Variants in TSHZ3 observed in about 807,000 individuals in gnomAD.
The protein encoded by TSHZ3 is teashirt zinc finger homeobox 3, also known as teashirt homolog 3.
Under a neutral mutation model 64.5 loss-of-function variants are expected in TSHZ3, and 10 were observed. That is an observed-to-expected ratio of 0.16 (90% confidence interval 0.10 to 0.26). TSHZ3 has a LOEUF of 0.26. Among genes scored for constraint, TSHZ3 ranks in the 10% least tolerant of loss-of-function variants. The pLI is 1.00. For missense variants in TSHZ3, 1,242 were observed against 1,421.7 expected (o/e 0.87, Z 2.03); for synonymous variants, 608 against 593.1 (o/e 1.03, Z -0.36).
chr19:31,166,477 G>T (rs1974453895), intron 5 of TSHZ3, among the ~76,000 whole-genome samples: 1 of 152,158 alleles, frequency 6.6e-6, no homozygotes, highest in African/African-American at 2.4e-5. Context: ...CCAGGCCTTG[G>T]AGCAACTGGC....
In TSHZ3 at chr19:31,277,190, A is replaced by G; in HGVS notation, c.2603T>C (p.Ile868Thr). 3.1e-6 allele frequency: 5 copies of G among 1,614,110 alleles called. No individual in the cohort carries two copies. In the South Asian group the frequency reaches 4.4e-5, roughly 14 times the overall value. Reference sequence around the variant, plus strand: ...CCCGTCAATGTCAGACTTCTCGGAGATGCTGGAAGGAGTGGAGGATTTTGA... The same window carrying G: ...CCCGTCAATGTCAGACTTCTCGGAGGTGCTGGAAGGAGTGGAGGATTTTGA... Reference protein sequence around the residue: ...HTSKSSTPSSISEKSDIDGAT... With the variant: ...HTSKSSTPSSTSEKSDIDGAT... The change falls in exon 2 of 2, where the codon ATC becomes ACC. Residue 868 changes from isoleucine (I) to threonine (T), a missense_variant. By Grantham distance (89) the Ile-to-Thr change is moderately conservative (BLOSUM62 -1). Transcript: ENST00000240587. The surrounding 1 kb of genome is among the most constrained non-coding windows in gnomAD (Gnocchi z 4.5).
At chr19:31,272,960 C>T (rs962029913), downstream of TSHZ3, among the ~76,000 whole-genome samples, 1 of 152,162 alleles carries the variant, frequency 6.6e-6, no homozygotes, top group African/African-American at 2.4e-5. Context: ...CCTCCATTCA[C>T]TCTCTCGCAA....
chr19:31,332,054 C>G (rs537114253), intron 1 of TSHZ3, among the ~76,000 whole-genome samples: 46 of 152,330 alleles, frequency 3.0e-4, no homozygotes, highest in African/African-American at 1.1e-3. Flanking sequence ...TGCATGTTTC[C>G]ATTCACAAAA....
intron 1 of TSHZ3, among the ~76,000 whole-genome samples, chr19:31,252,807 G>A (rs1042294705): frequency 6.6e-6 from 1 of 152,178 alleles, no homozygotes. Context: ...CATTGGCAAA[G>A]ACCCTTTTTC....
chr19:31,291,946 G>T (rs1347003879), intron 1 of TSHZ3, among the ~76,000 whole-genome samples: 2 of 152,200 alleles, frequency 1.3e-5, no homozygotes, highest in Non-Finnish European at 2.9e-5. Flanking sequence ...GTGAAACATG[G>T]CTTCCGGAGC....
intron 1 of TSHZ3, among the ~76,000 whole-genome samples, chr19:31,300,070 G>A (rs985361337): frequency 8.6e-5 from 13 of 151,848 alleles, no homozygotes; most frequent in African/African-American, 2.9e-4. Context: ...GAGAGAGTGT[G>A]TGTGTGTGTG....
At chr19:31,335,166 G>C (rs1177690837) in intron 1 of TSHZ3, among the ~76,000 whole-genome samples, 1 of 152,168 alleles carries the variant, frequency 6.6e-6, no homozygotes, top group African/African-American at 2.4e-5. Context: ...TTTTATATGT[G>C]AATTCACAAA....
At chr19:31,156,193 A>C (rs1974303736) in intron 6 of TSHZ3, among the ~76,000 whole-genome samples, 1 of 152,224 alleles carries the variant, frequency 6.6e-6, no homozygotes, top group African/African-American at 2.4e-5. Flanking sequence ...CCAAGAAGGC[A>C]GGACTCTGTC....
At chr19:31,322,398 G>A (rs966309780) in intron 1 of TSHZ3, among the ~76,000 whole-genome samples, 5 of 151,040 alleles carry the variant, frequency 3.3e-5, no homozygotes, top group African/African-American at 4.9e-5. Context: ...GATTACAGGC[G>A]TGAGCCCCCG....
intron 5 of TSHZ3, among the ~76,000 whole-genome samples, chr19:31,198,948 G>A (rs887231029): frequency 6.6e-6 from 1 of 152,084 alleles, no homozygotes; most frequent in African/African-American, 2.4e-5. Flanking sequence ...ACAGGGAGAG[G>A]TAAAAGGCCC....
chr19:31,285,658 C>T lies in TSHZ3; in HGVS notation c.41-5906G>A, dbSNP rs1392694504. The stretch of plus-strand genomic sequence containing the variant: ...AATCAGCCAGGCATGGTGGCGGGTA[C>T]CTGTAGTCCCAGCTACTTGAGAGGC... On this transcript the variant is annotated intron_variant, in intron 1 of 1. Coordinates refer to ENST00000240587, the MANE Select transcript of TSHZ3 (RefSeq NM_020856.4). Among the ~76,000 whole-genome samples the T allele has an allele frequency of 4.0e-5, 6 of 151,296 alleles. 1 individual carries two copies. Among genetic ancestry groups the T allele is most frequent in the Admixed American group, 1.3e-4 (2 of 15,220 alleles).
At chr19:31,230,259 T>C (rs1442072623) in intron 3 of TSHZ3, among the ~76,000 whole-genome samples, 1 of 152,166 alleles carries the variant, frequency 6.6e-6, no homozygotes, top group African/African-American at 2.4e-5. Flanking sequence ...CAATATATAG[T>C]TAAATGGGGA....
At chr19:31,295,129 A>G (rs1187683747) in intron 1 of TSHZ3, among the ~76,000 whole-genome samples, 1 of 152,214 alleles carries the variant, frequency 6.6e-6, no homozygotes, top group Non-Finnish European at 1.5e-5. Context: ...CATATCATGA[A>G]ATACTATGCA....
intron 5 of TSHZ3, among the ~76,000 whole-genome samples, chr19:31,184,746 T>A (rs1974776001): frequency 6.6e-6 from 1 of 152,228 alleles, no homozygotes; most frequent in Admixed American, 6.5e-5. Context: ...AAGTCAGAGC[T>A]GATGAAGTGG....
chr19:31,235,685 C>CT (rs201258747), intron 3 of TSHZ3, among the ~76,000 whole-genome samples: 1,527 of 76,468 alleles, frequency 0.02, 41 homozygotes, highest in African/African-American at 0.066. Flanking sequence ...TTCTTTCTTT[C>CT]TTCTCCTCTT....
chr19:31,277,218 T>C lies in TSHZ3; in HGVS notation c.2575A>G (p.Thr859Ala). Reference protein sequence around the residue: ...DMLKNLTESHTSKSSTPSSIS... With the variant: ...DMLKNLTESHASKSSTPSSIS... ...CTGGAAGGAGTGGAGGATTTTGACG[T>C]GTGGCTCTCTGTCAAGTTCTTCAGC... Residue 859 changes from threonine (T) to alanine (A), a missense_variant, in exon 2 of 2, where the codon ACG (threonine) becomes GCG (alanine). Coordinates refer to ENST00000240587, the MANE Select transcript of TSHZ3 (RefSeq NM_020856.4). This position sits in a 1 kb window ranked among gnomAD's most constrained non-coding sequence, Gnocchi z 4.5. The C allele has an allele frequency of 6.2e-7, 1 of 1,614,194 alleles. No homozygotes were observed. The highest frequency in any genetic ancestry group is 1.1e-5 in the South Asian group (1 of 91,082).
At chr19:31,339,896 A>T (rs1483801038) in intron 1 of TSHZ3, among the ~76,000 whole-genome samples, 2 of 125,868 alleles carry the variant, frequency 1.6e-5, no homozygotes. Context: ...ATTTAAAAAA[A>T]TTGACTTTAA....
chr19:31,237,939 C>T (rs1014011818), intron 3 of TSHZ3, among the ~76,000 whole-genome samples: 4 of 152,050 alleles, frequency 2.6e-5, no homozygotes, highest in African/African-American at 4.8e-5. Context: ...TCTAATTTAA[C>T]GCCATGTGGT....
intron 1 of TSHZ3, among the ~76,000 whole-genome samples, chr19:31,260,350 G>A (rs1407512693): frequency 6.6e-6 from 1 of 152,130 alleles, no homozygotes; most frequent in East Asian, 1.9e-4. Context: ...CAGCCAGTCC[G>A]GTGATACTAC....
Sources: allele counts gnomAD v4.1 joint callset (sites outside exome capture counted in the v4.1 genomes callset), GRCh38; gene constraint gnomAD v4.1.1; non-coding constraint Gnocchi (gnomAD v3.1); transcripts MANE v1.5; gene names NCBI Gene and HGNC (gene_info 2026-07-23, HGNC 2026-07-21).